The following FARP1 variants were observed in gnomAD, a reference collection of about 807,000 sequenced individuals.
The protein encoded by FARP1 is FERM, ARHGEF and pleckstrin domain-containing protein 1.
In FARP1, 52 loss-of-function variants were observed where a neutral mutation model predicts 128.8. The observed-to-expected ratio is 0.40, with a 90% CI of 0.32 to 0.51. FARP1 has a LOEUF of 0.51. Ranked by LOEUF, FARP1 falls within the 20% of genes least tolerant of loss-of-function variation. The probability of loss-of-function intolerance (pLI) is 0.45; values close to 1 mark genes in which losing one functional copy is unlikely to be tolerated. For synonymous variants in FARP1, 580 were observed against 551.8 expected (o/e 1.05, Z -0.72); for missense variants, 1,333 against 1,367.9 (o/e 0.97, Z 0.40).
At chr13:98,142,946 A>AGCGGG (rs1441325241), upstream of FARP1, among the ~76,000 whole-genome samples, 28 of 149,800 alleles carry the variant, frequency 1.9e-4, no homozygotes, top group African/African-American at 6.4e-4. Flanking sequence ...GCCCGGGCGG[A>AGCGGG]GCGGAGCGGG....
chr13:98,374,466 T>G (rs999846341), intron 5 of FARP1, among the ~76,000 whole-genome samples: 2 of 152,140 alleles, frequency 1.3e-5, no homozygotes, highest in Non-Finnish European at 2.9e-5. Context: ...ACAGATCCAC[T>G]CTAGGACCAC....
rs117771659 is a variant in FARP1 at position 98,449,324 on chromosome 13, C to G, written c.*1007C>G. 6.6e-6 allele frequency: 1 copy of G among 152,152 alleles called. No homozygotes were observed. The highest frequency in any genetic ancestry group is 1.5e-5 in the Non-Finnish European group (1 of 68,032). 9.4% of individuals were successfully genotyped at this position (152,152 alleles called of 1,614,324 possible). On this transcript the variant is annotated 3_prime_UTR_variant, in exon 27 of 27. Coordinates refer to ENST00000319562, the MANE Select transcript of FARP1 (RefSeq NM_005766.4). ...TATATATCGTGCCTGTCTTCAAAAACATTTCCCTTTTTATACTCATTCCCC... is the reference window on the plus strand; with the variant it reads ...TATATATCGTGCCTGTCTTCAAAAAGATTTCCCTTTTTATACTCATTCCCC...
At chr13:98,190,740 T>C (rs1168571195) in intron 1 of FARP1, among the ~76,000 whole-genome samples, 1 of 151,390 alleles carries the variant, frequency 6.6e-6, no homozygotes, top group South Asian at 2.1e-4. Flanking sequence ...TAAGTTTTTT[T>C]TTTTTTTTTT....
chr13:98,176,404 C>T lies in FARP1; in HGVS notation c.-24+32912C>T. 1 of 1,614,218 alleles carries T rather than the reference C, an allele frequency of 6.2e-7. No individual in the cohort carries two copies. The highest frequency in any genetic ancestry group is 8.5e-7 in the Non-Finnish European group (1 of 1,180,050). On this transcript the variant is annotated intron_variant, in intron 1 of 26. Transcript: ENST00000319562. This position sits in a 1 kb window ranked among gnomAD's most constrained non-coding sequence, Gnocchi z 6.2. ...GGCCCGGAAGTGCTCCAGCGCGCAG[C>T]TCTCGCAGAAATAATGCCTGCACTT...
intron 2 of FARP1, among the ~76,000 whole-genome samples, chr13:98,296,629 C>G (rs1885709408): frequency 6.6e-6 from 1 of 151,676 alleles, no homozygotes; most frequent in South Asian, 2.1e-4. Flanking sequence ...AAGTTCTGAG[C>G]CACATTAGAG....
intron 25 of FARP1, 33 bp downstream of exon 25, chr13:98,446,238 G>A: frequency 6.9e-7 from 1 of 1,459,468 alleles, no homozygotes; most frequent in Non-Finnish European, 9.6e-7. Context: ...GTGGCCCTGG[G>A]ACCTTGGGGG....
chr13:98,431,167 C>T lies in FARP1; in HGVS notation c.2030C>T (p.Pro677Leu). 5.6e-6 allele frequency: 9 copies of T among 1,613,806 alleles called. No homozygotes were observed. Among genetic ancestry groups the T allele is most frequent in the South Asian group, 2.2e-5 (2 of 91,038 alleles). The change falls in exon 18 of 27, where the codon CCG (proline) becomes CTG (leucine). Residue 677 changes from proline to leucine, a missense_variant. By Grantham distance (98) the Pro-to-Leu change is moderately conservative. Around this residue, in one of 2 missense-constraint regions of FARP1, gnomAD observed 1,009 missense variants for 969.8 expected, o/e 1.04. Coordinates refer to ENST00000319562, the MANE Select transcript of FARP1 (RefSeq NM_005766.4). ...DFELQKVCYLPLNTFLLRPLH... is the reference protein window; with the variant it reads ...DFELQKVCYLLLNTFLLRPLH... ...GAGCTGCAGAAGGTGTGTTACCTAC[C>T]GCTCAACACCTTCCTCCTGCGGCCA...
intron 2 of FARP1, among the ~76,000 whole-genome samples, chr13:98,278,371 T>A (rs1884771835): frequency 6.6e-6 from 1 of 152,054 alleles, no homozygotes. Flanking sequence ...TGTGTTTAAG[T>A]GCGTGTTTGT....
chr13:98,225,997 T>G (rs952172053), intron 2 of FARP1, among the ~76,000 whole-genome samples: 1 of 133,246 alleles, frequency 7.5e-6, no homozygotes, highest in African/African-American at 2.8e-5. Flanking sequence ...GGGAGCACTT[T>G]AGTTGTCCGT....
At chr13:98,441,458 C>A (rs1458261950) in intron 24 of FARP1, among the ~76,000 whole-genome samples, 1 of 152,204 alleles carries the variant, frequency 6.6e-6, no homozygotes, top group Admixed American at 6.5e-5. Context: ...AACAGGGCGC[C>A]GTGGGGAGCT....
chr13:98,361,078 T>A (rs1275035418), intron 3 of FARP1, among the ~76,000 whole-genome samples: 1 of 152,208 alleles, frequency 6.6e-6, no homozygotes, highest in African/African-American at 2.4e-5. Flanking sequence ...CAAAGGCCAG[T>A]GCTTTCACTG....
intron 1 of FARP1, among the ~76,000 whole-genome samples, chr13:98,184,686 G>A (rs1016822905): frequency 1.3e-5 from 2 of 152,104 alleles, no homozygotes; most frequent in Non-Finnish European, 2.9e-5. Context: ...GTATAGCAGT[G>A]GCCAACTCCA....
chr13:98,155,569 T>C (rs1355823092), intron 1 of FARP1, among the ~76,000 whole-genome samples: 1 of 152,106 alleles, frequency 6.6e-6, no homozygotes, highest in East Asian at 1.9e-4. Flanking sequence ...TCACCCAGGC[T>C]TGAGTGTGGT....
At chr13:98,270,987 T>C (rs1017138209) in intron 2 of FARP1, among the ~76,000 whole-genome samples, 2 of 152,170 alleles carry the variant, frequency 1.3e-5, no homozygotes, top group Non-Finnish European at 1.5e-5. Context: ...TCAGAAATCA[T>C]GATGTAAGAC....
In FARP1 at chr13:98,244,986, C is replaced by T. The variant is rs1443803012; in HGVS notation, c.171+31573C>T. 13 of 1,184,056 alleles carry T rather than the reference C, an allele frequency of 1.1e-5. No homozygotes were observed. The Admixed American group carries it at 1.2e-4, about 11-fold the overall frequency. 73.3% of individuals were successfully genotyped at this position (1,184,056 alleles called of 1,614,324 possible). A position where few individuals can be genotyped will look rare whatever the true frequency, so the allele number is the denominator to read the frequency against. ...AGCTTTTCTGCTGTGGGTTGTTTGC[C>T]ACTAGGGGAAGATTCATTTCTATTC... On this transcript the variant is annotated intron_variant, in intron 2 of 26. Coordinates refer to ENST00000319562, the MANE Select transcript of FARP1 (RefSeq NM_005766.4).
intron 11 of FARP1, among the ~76,000 whole-genome samples, chr13:98,393,175 T>G (rs999198247): frequency 6.6e-6 from 1 of 152,224 alleles, no homozygotes; most frequent in Non-Finnish European, 1.5e-5. Flanking sequence ...TCCTCTGAAC[T>G]TACCGCTTTG....
intron 1 of FARP1, among the ~76,000 whole-genome samples, chr13:98,180,207 A>G (rs1356500706): frequency 6.6e-6 from 1 of 152,184 alleles, no homozygotes; most frequent in Non-Finnish European, 1.5e-5. Context: ...TGATGGCCCC[A>G]GTAAACTTCC....
chr13:98,415,550 G>C (rs770672324), intron 16 of FARP1, among the ~76,000 whole-genome samples: 17 of 152,258 alleles, frequency 1.1e-4, no homozygotes, highest in Non-Finnish European at 2.2e-4. Context: ...AGGGCACAGA[G>C]AGCCGTGTCC....
chr13:98,291,787 G>T (rs1885458306), intron 2 of FARP1, among the ~76,000 whole-genome samples: 1 of 152,106 alleles, frequency 6.6e-6, no homozygotes, highest in Non-Finnish European at 1.5e-5. Context: ...TAAGTCTTTG[G>T]TGTAAGTGGC....
Sources: gnomAD v4.1 joint callset for allele counts (sites outside exome capture counted in the v4.1 genomes callset) on GRCh38, gnomAD v4.1.1 for gene constraint, gnomAD v4.1.1 regional missense constraint, Gnocchi (gnomAD v3.1) non-coding constraint, MANE v1.5 for transcripts, NCBI Gene and HGNC (gene_info 2026-07-23, HGNC 2026-07-21) for gene names.